ATP6V1C1: variants seen among roughly 807,000 people sequenced by gnomAD.
ATP6V1C1 encodes the protein V-type proton ATPase subunit C 1.
In ATP6V1C1, 45 loss-of-function variants were observed where a neutral mutation model predicts 53.9. The ratio of observed to expected loss-of-function variants is 0.83; its 90% CI spans 0.66 to 1.07. The LOEUF is 1.07. ATP6V1C1 is among the 50% of genes least tolerant of loss of function. The pLI, the probability that ATP6V1C1 is intolerant of heterozygous loss-of-function variation, is 0.00. For missense variants in ATP6V1C1, 315 were observed against 440.3 expected (o/e 0.72, Z 2.55); for synonymous variants, 153 against 155.2 (o/e 0.99, Z 0.11).
chr8:103,067,805 G>A (rs1458543780), intron 12 of ATP6V1C1, among the ~76,000 whole-genome samples: 1 of 151,940 alleles, frequency 6.6e-6, no homozygotes, highest in East Asian at 1.9e-4. Flanking sequence ...GGCTGGTCTT[G>A]AACTCCTGAC....
intron 6 of ATP6V1C1, 64 bp from the exon 7 acceptor site, chr8:103,053,820 G>A: frequency 8.4e-7 from 1 of 1,192,118 alleles, no homozygotes; most frequent in Middle Eastern, 1.9e-4. Context: ...TTAGCCTGCT[G>A]TTTCTTTACT....
chr8:103,027,135 G>A (rs888843865), intron 1 of ATP6V1C1, among the ~76,000 whole-genome samples: 16 of 152,230 alleles, frequency 1.1e-4, no homozygotes, highest in African/African-American at 3.9e-4. Context: ...AAAAGTTGAT[G>A]TGCACATTTG....
At chr8:103,037,596 C>G (rs975121186) in intron 1 of ATP6V1C1, among the ~76,000 whole-genome samples, 3 of 152,084 alleles carry the variant, frequency 2.0e-5, no homozygotes, top group African/African-American at 7.2e-5. Flanking sequence ...CTAGATTATT[C>G]TCTGAATATC....
intron 3 of ATP6V1C1, among the ~76,000 whole-genome samples, chr8:103,043,170 A>G (rs1563604209): frequency 6.6e-6 from 1 of 152,204 alleles, no homozygotes; most frequent in Non-Finnish European, 1.5e-5. Flanking sequence ...AGGAACTGAC[A>G]AACTGTTTCC....
intron 1 of ATP6V1C1, among the ~76,000 whole-genome samples, chr8:103,023,458 G>A (rs1012351344): frequency 3.3e-5 from 5 of 152,114 alleles, no homozygotes; most frequent in Non-Finnish European, 4.4e-5. Context: ...GAGGGTTCAG[G>A]ACTTGGGGAA....
intron 2 of ATP6V1C1, 55 bp from the exon 3 acceptor site, chr8:103,042,284 TG>T (rs1038965897): frequency 3.1e-5 from 46 of 1,494,352 alleles, no homozygotes; most frequent in African/African-American, 2.5e-4. Flanking sequence ...TGAATCATCT[TG>T]TTTTTTTTTT....
In ATP6V1C1 at chr8:103,069,312, A is replaced by G. The variant is rs1468473762; in HGVS notation, c.*565A>G. 1 of 152,224 alleles carries G rather than the reference A, an allele frequency of 6.6e-6. No homozygotes were observed. The highest frequency in any genetic ancestry group is 1.5e-5 in the Non-Finnish European group (1 of 68,032). 9.4% of individuals were successfully genotyped at this position (152,224 alleles called of 1,614,324 possible). A position where few individuals can be genotyped will look rare whatever the true frequency, so the allele number is the denominator to read the frequency against. On this transcript the variant is annotated 3_prime_UTR_variant, in exon 13 of 13. Coordinates refer to ENST00000518738, the MANE Select transcript of ATP6V1C1 (RefSeq NM_001695.5). ...TGTGGTGTGTGTAACTTAAGATTAC[A>G]GTTCTGTTTGAGAGTTAAATGATGT...
At chr8:103,043,704 T>C (rs1243698526) in intron 3 of ATP6V1C1, among the ~76,000 whole-genome samples, 1 of 152,202 alleles carries the variant, frequency 6.6e-6, no homozygotes, top group Non-Finnish European at 1.5e-5. Flanking sequence ...TATCTTTTCA[T>C]GTGTTTTTTT....
chr8:103,031,519 C>T (rs558440340), intron 1 of ATP6V1C1, among the ~76,000 whole-genome samples: 1 of 152,192 alleles, frequency 6.6e-6, no homozygotes, highest in South Asian at 2.1e-4. Flanking sequence ...AGGTAACAGT[C>T]AGATCTCATG....
chr8:103,036,876 G>A (rs1816908170), intron 1 of ATP6V1C1, among the ~76,000 whole-genome samples: 1 of 152,182 alleles, frequency 6.6e-6, no homozygotes, highest in South Asian at 2.1e-4. Flanking sequence ...CATTTTGGGG[G>A]GAGAGGAGGT....
chr8:103,041,063 C>A, intron 2 of ATP6V1C1, 95 bp downstream of exon 2: 4 of 1,329,556 alleles, frequency 3.0e-6, no homozygotes, highest in Non-Finnish European at 3.0e-6. Context: ...AGGTTCCTTC[C>A]AAAGAAAACC....
chr8:103,030,334 C>G (rs564077677), intron 1 of ATP6V1C1, among the ~76,000 whole-genome samples: 96 of 152,204 alleles, frequency 6.3e-4, no homozygotes, highest in Non-Finnish European at 1.2e-3. Flanking sequence ...CTGAGAGAGG[C>G]TGTGAGGTTG....
At chr8:103,042,428 G>C (rs1332534576) in intron 3 of ATP6V1C1, 21 bp downstream of exon 3, 1 of 1,606,520 alleles carries the variant, frequency 6.2e-7, no homozygotes, top group African/African-American at 1.3e-5. Flanking sequence ...TATATGCATG[G>C]AGTAGAGCAA....
intron 3 of ATP6V1C1, among the ~76,000 whole-genome samples, chr8:103,047,233 A>T (rs537645186): frequency 6.6e-6 from 1 of 151,940 alleles, no homozygotes; most frequent in Non-Finnish European, 1.5e-5. Flanking sequence ...TTCCTGGCTC[A>T]TATTGGCTCT....
rs1817586029 is a variant in ATP6V1C1, at chr8:103,071,484, C to T, written c.*2737C>T. 6.6e-6 allele frequency: 1 copy of T among 152,214 alleles called. No homozygotes were observed. The highest frequency in any genetic ancestry group is 1.5e-5 in the Non-Finnish European group (1 of 68,044). 9.4% of individuals were successfully genotyped at this position (152,214 alleles called of 1,614,324 possible). On this transcript the variant is annotated 3_prime_UTR_variant, in exon 13 of 13. Transcript: ENST00000518738. ...CTGCTGGTTGTCACACTTCCCGCCC[C>T]ACACTCAACTGTTGTGTGAATGAGC... is the stretch of plus-strand genomic sequence containing the variant.
intron 8 of ATP6V1C1, among the ~76,000 whole-genome samples, chr8:103,062,165 T>TG (rs1314128463): frequency 4.3e-5 from 5 of 116,160 alleles, no homozygotes; most frequent in Non-Finnish European, 9.1e-5. Flanking sequence ...ATCAGGGTTT[T>TG]TTTTTTTTTT....
chr8:103,023,311 T>G (rs1586303496), intron 1 of ATP6V1C1, among the ~76,000 whole-genome samples: 12 of 127,824 alleles, frequency 9.4e-5, no homozygotes, highest in Admixed American at 1.7e-4. Context: ...GGGGGGGAGA[T>G]AATGTGGAGG....
intron 1 of ATP6V1C1, among the ~76,000 whole-genome samples, chr8:103,021,791 G>A (rs945638392): frequency 1.2e-4 from 19 of 152,264 alleles, no homozygotes; most frequent in African/African-American, 4.6e-4. Flanking sequence ...GTAGAATGGG[G>A]GAGGGTAGGC....
intron 5 of ATP6V1C1, among the ~76,000 whole-genome samples, chr8:103,051,379 G>GT (rs2131395724): frequency 6.6e-6 from 1 of 152,254 alleles, no homozygotes; most frequent in East Asian, 1.9e-4. Context: ...CATCAACAGT[G>GT]TTTAAGAAAG....
Sources: gnomAD v4.1 joint callset for allele counts (sites outside exome capture counted in the v4.1 genomes callset) on GRCh38, gnomAD v4.1.1 for gene constraint, MANE v1.5 for transcripts, NCBI Gene and HGNC (gene_info 2026-07-23, HGNC 2026-07-21) for gene names.